Variants in TXNDC16 observed in about 807,000 individuals in gnomAD.
TXNDC16 encodes thioredoxin domain-containing protein 16.
A neutral mutation model predicts 85.6 loss-of-function variants in TXNDC16; 74 were observed. That is an observed-to-expected ratio of 0.86 (90% CI 0.72 to 1.05). The LOEUF (loss-of-function observed/expected upper bound fraction) is 1.05. Among genes scored for constraint, TXNDC16 ranks in the 50% least tolerant of loss-of-function variants. TXNDC16 has a pLI of 0.00. For missense variants in TXNDC16, 959 were observed against 947.0 expected (o/e 1.01, Z -0.17); for synonymous variants, 335 against 326.5 (o/e 1.03, Z -0.28).
rs368670415 is a variant in TXNDC16 at position 52,473,544 on chromosome 14, A to G, written c.1313-2864T>C. Among the ~76,000 whole-genome samples the G allele has an allele frequency of 4.5e-4, 69 of 152,328 alleles. 1 individual carries two copies. Among genetic ancestry groups the G allele is most frequent in the African/African-American group, 1.6e-3 (65 of 41,574 alleles). On this transcript the variant is annotated intron_variant, in intron 14 of 20. Coordinates refer to ENST00000281741, the MANE Select transcript of TXNDC16 (RefSeq NM_020784.3). ...AAAACCAGAAAAGTAATACTGATAT[A>G]TATCACTAAAAGTTATATAACTACT...
chr14:52,460,626 A>G (rs1453042233), intron 16 of TXNDC16, among the ~76,000 whole-genome samples: 1 of 152,198 alleles, frequency 6.6e-6, no homozygotes, highest in African/African-American at 2.4e-5. Flanking sequence ...TAAATATGTC[A>G]AAAGTTTAAA....
At chr14:52,502,677 T>G (rs1360931585) in intron 9 of TXNDC16, among the ~76,000 whole-genome samples, 2 of 152,180 alleles carry the variant, frequency 1.3e-5, no homozygotes, top group African/African-American at 4.8e-5. Flanking sequence ...TTTCTCCATT[T>G]CCAACTGAGG....
In TXNDC16 at chr14:52,486,648, G is replaced by C. The variant is rs150200821; in HGVS notation, c.1108+1715C>G. The stretch of plus-strand genomic sequence containing the variant: ...TAAATTCTTTCCTAACCCTTATCTA[G>C]TTTTCCTTTGTAAACGGGAGTGATA... On this transcript the variant is annotated intron_variant, in intron 12 of 20. Transcript: ENST00000281741. Among the ~76,000 whole-genome samples the C allele has an allele frequency of 2.7e-3, 417 of 151,988 alleles. 2 individuals are homozygous for C. Among genetic ancestry groups the C allele is most frequent in the African/African-American group, 9.5e-3 (393 of 41,438 alleles).
intron 8 of TXNDC16, among the ~76,000 whole-genome samples, chr14:52,514,086 A>G (rs1387224198): frequency 1.3e-5 from 2 of 152,308 alleles, no homozygotes; most frequent in African/African-American, 2.4e-5. Context: ...CAATAAAAAC[A>G]TAACTTCTCT....
At chr14:52,442,409 GTTTCCCCT>G (rs2035187914) in intron 18 of TXNDC16, among the ~76,000 whole-genome samples, 1 of 152,154 alleles carries the variant, frequency 6.6e-6, no homozygotes, top group Admixed American at 6.5e-5. Flanking sequence ...CTGCTCACCA[GTTTCCCCT>G]TTCTTTAGAT....
intron 6 of TXNDC16, among the ~76,000 whole-genome samples, chr14:52,528,834 T>G (rs1464638436): frequency 6.9e-6 from 1 of 145,866 alleles, no homozygotes; most frequent in South Asian, 2.1e-4. Context: ...TACCTAGGTA[T>G]ATATATATAT....
chr14:52,479,287 C>T (rs1227452407), intron 14 of TXNDC16, among the ~76,000 whole-genome samples: 1 of 152,066 alleles, frequency 6.6e-6, no homozygotes, highest in Non-Finnish European at 1.5e-5. Flanking sequence ...CATTCCTCTT[C>T]AACACAGTAC....
chr14:52,478,082 T>C (rs2036059131), intron 14 of TXNDC16, among the ~76,000 whole-genome samples: 1 of 152,144 alleles, frequency 6.6e-6, no homozygotes, highest in African/African-American at 2.4e-5. Context: ...GAATGATCGT[T>C]GGGTCAAAAA....
At chr14:52,451,825 GA>G (rs2035419857) in intron 18 of TXNDC16, among the ~76,000 whole-genome samples, 1 of 152,110 alleles carries the variant, frequency 6.6e-6, no homozygotes. Context: ...CATAGTACTG[GA>G]AGTCCTAGCT....
At chr14:52,485,351 T>G (rs771044786) in intron 12 of TXNDC16, among the ~76,000 whole-genome samples, 1 of 152,228 alleles carries the variant, frequency 6.6e-6, no homozygotes, top group Non-Finnish European at 1.5e-5. Flanking sequence ...AGTTTAATGT[T>G]ATCACAAAAC....
At chr14:52,455,494 T>C (rs773658352) in intron 17 of TXNDC16, 32 bp from the exon 18 acceptor site, 6 of 1,611,426 alleles carry the variant, frequency 3.7e-6, no homozygotes, top group Non-Finnish European at 5.1e-6. Context: ...AAATTCACGA[T>C]CAAAATCTAG....
intron 18 of TXNDC16, among the ~76,000 whole-genome samples, chr14:52,454,480 T>G (rs567841270): frequency 2.7e-5 from 4 of 150,412 alleles, no homozygotes; most frequent in African/African-American, 9.8e-5. Flanking sequence ...TCATCTACTA[T>G]GTACCCAGAA....
intron 7 of TXNDC16, among the ~76,000 whole-genome samples, chr14:52,518,498 T>C (rs2037136617): frequency 6.6e-6 from 1 of 152,184 alleles, no homozygotes; most frequent in Non-Finnish European, 1.5e-5. Context: ...TTTCTCAATC[T>C]ATATCCAATA....
chr14:52,455,338 G>A lies in TXNDC16; in HGVS notation c.1828C>T (p.Leu610=), dbSNP rs368264955. 5.0e-6 allele frequency: 8 copies of A among 1,613,464 alleles called. No individual in the cohort carries two copies. In the African/African-American group the frequency reaches 1.1e-4, roughly 22 times the overall value. Reference sequence around the variant, plus strand: ...AACATACTCACAAACATTTCCAGTAGTGCATCTGTTATTATTTGAACTATG... The same window carrying A: ...AACATACTCACAAACATTTCCAGTAATGCATCTGTTATTATTTGAACTATG... ...QDIVQIITDA[L]LEMFPEITVE... Residue 610 remains leucine (L), a synonymous_variant, in exon 18 of 21, where the codon CTA becomes TTA. Transcript: ENST00000281741.
chr14:52,481,130 G>C (rs2036142282), intron 14 of TXNDC16, among the ~76,000 whole-genome samples: 1 of 151,794 alleles, frequency 6.6e-6, no homozygotes, highest in African/African-American at 2.4e-5. Context: ...TCATATTTGG[G>C]AGCTAAGCTA....
At chr14:52,470,009 T>C in intron 16 of TXNDC16, 28 bp downstream of exon 16, 3 of 1,587,658 alleles carry the variant, frequency 1.9e-6, no homozygotes, top group Non-Finnish European at 2.6e-6. Flanking sequence ...TACTCTACTG[T>C]ATAATTTAAA....
At chr14:52,503,583 C>G (rs1445285958) in intron 9 of TXNDC16, among the ~76,000 whole-genome samples, 1 of 152,154 alleles carries the variant, frequency 6.6e-6, no homozygotes, top group Non-Finnish European at 1.5e-5. Flanking sequence ...ATATCACCAT[C>G]ATCAAAGACC....
At chr14:52,548,370 T>C (rs1010697298) in intron 1 of TXNDC16, among the ~76,000 whole-genome samples, 13 of 152,304 alleles carry the variant, frequency 8.5e-5, no homozygotes, top group African/African-American at 3.1e-4. Context: ...GCTTGATTTA[T>C]CACAGGTTCA....
At chr14:52,454,094 A>T (rs1272068660) in intron 18 of TXNDC16, among the ~76,000 whole-genome samples, 3 of 152,136 alleles carry the variant, frequency 2.0e-5, no homozygotes, top group Admixed American at 2.0e-4. Flanking sequence ...TACCCTATTT[A>T]CTCTGATGTG....
Sources: allele counts gnomAD v4.1 joint callset (sites outside exome capture counted in the v4.1 genomes callset), GRCh38; gene constraint gnomAD v4.1.1; transcripts MANE v1.5; gene names NCBI Gene and HGNC (gene_info 2026-07-23, HGNC 2026-07-21).